Variants in GALNT2 observed in about 807,000 individuals in gnomAD.
GALNT2 encodes the protein UDP-GalNAc:polypeptide N-acetylgalactosaminyltransferase 2.
A neutral mutation model predicts 81.4 loss-of-function variants in GALNT2; 31 were observed. The ratio of observed to expected loss-of-function variants is 0.38; its 90% CI spans 0.29 to 0.51. GALNT2 has a LOEUF of 0.51. Ranked by LOEUF, GALNT2 falls within the 20% of genes least tolerant of loss-of-function variation. The pLI is 0.87. For missense variants in GALNT2, 629 were observed against 765.7 expected (o/e 0.82, Z 2.11); for synonymous variants, 303 against 287.4 (o/e 1.05, Z -0.55).
chr1:230,162,208 A>G (rs969606516), intron 1 of GALNT2, among the ~76,000 whole-genome samples: 6 of 152,108 alleles, frequency 3.9e-5, no homozygotes, highest in African/African-American at 1.4e-4. Flanking sequence ...CCTTCCTTTA[A>G]GTCTCCCAGC....
intron 13 of GALNT2, chr1:230,264,256 A>C (rs1216502238): frequency 6.6e-6 from 1 of 152,142 alleles, no homozygotes; most frequent in African/African-American, 2.4e-5. Flanking sequence ...TGATGTCTAC[A>C]CCTCCTGCCT....
At chr1:230,151,563 C>G (rs780204671) in intron 1 of GALNT2, among the ~76,000 whole-genome samples, 1 of 152,226 alleles carries the variant, frequency 6.6e-6, no homozygotes, top group Non-Finnish European at 1.5e-5. Context: ...TTCTGATTCT[C>G]TCTACAGCAG....
At chr1:230,148,784 G>A (rs117450816) in intron 1 of GALNT2, among the ~76,000 whole-genome samples, 5,550 of 151,456 alleles carry the variant, frequency 0.037, 188 homozygotes, top group East Asian at 0.17. Context: ...ACAGGGTTTC[G>A]CTCTATTGCC....
chr1:230,232,939 C>A (rs1664911692), intron 3 of GALNT2, among the ~76,000 whole-genome samples: 1 of 152,142 alleles, frequency 6.6e-6, no homozygotes, highest in South Asian at 2.1e-4. Context: ...TATGCAATTT[C>A]TCATGATTAA....
intron 2 of GALNT2, among the ~76,000 whole-genome samples, chr1:230,187,001 C>T (rs584751): frequency 0.51 from 77,711 of 152,110 alleles, 23,187 homozygotes; most frequent in African/African-American, 0.83. Flanking sequence ...TGCAAGAAAC[C>T]GCTGGCCATG....
In GALNT2 at chr1:230,067,292, C is replaced by G; in HGVS notation, c.12C>G (p.Arg4=). 1 of 1,360,222 alleles carries G rather than the reference C, an allele frequency of 7.4e-7. No individual in the cohort carries two copies. The highest frequency in any genetic ancestry group is 9.6e-7 in the Non-Finnish European group (1 of 1,043,064). The allele number at this position is 1,360,222 out of a possible 1,614,324, so 84.3% of individuals were successfully genotyped here. The change falls in exon 1 of 16, where the codon CGC becomes CGG. Residue 4 remains arginine, a synonymous_variant. Coordinates refer to ENST00000366672, the MANE Select transcript of GALNT2 (RefSeq NM_004481.5). MRR[R]SRMLLCFAFL... is the part of the protein sequence containing the mutation. ...GCCGAGTTGGGAGAATGCGGCGGCGCTCGCGGATGCTGCTCTGCTTCGCCT... is the reference window on the plus strand; with the variant it reads ...GCCGAGTTGGGAGAATGCGGCGGCGGTCGCGGATGCTGCTCTGCTTCGCCT...
At chr1:230,154,177 C>T (rs1243032820) in intron 1 of GALNT2, among the ~76,000 whole-genome samples, 1 of 152,196 alleles carries the variant, frequency 6.6e-6, no homozygotes, top group Non-Finnish European at 1.5e-5. Flanking sequence ...TTCAATATTT[C>T]ACCATTCAGT....
At chr1:230,127,724 G>A (rs1057365035) in intron 1 of GALNT2, among the ~76,000 whole-genome samples, 21 of 141,284 alleles carry the variant, frequency 1.5e-4, no homozygotes, top group African/African-American at 8.1e-5. Flanking sequence ...AGCCCCTCGC[G>A]GTGGTGGTTG....
intron 1 of GALNT2, among the ~76,000 whole-genome samples, chr1:230,072,096 G>A (rs1659394011): frequency 6.6e-6 from 1 of 152,056 alleles, no homozygotes; most frequent in East Asian, 1.9e-4. Flanking sequence ...GCTCCTGTTT[G>A]GATGAATGAT....
rs145188970 is a variant in GALNT2 at position 230,174,930 on chromosome 1, G to A, written c.127-3288G>A. 3.9e-3 allele frequency among the ~76,000 whole-genome samples: 596 copies of A among 152,234 alleles called. 4 individuals carry two copies. Among genetic ancestry groups the A allele is most frequent in the African/African-American group, 0.012 (482 of 41,536 alleles). On this transcript the variant is annotated intron_variant, in intron 1 of 15. Coordinates refer to ENST00000366672, the MANE Select transcript of GALNT2 (RefSeq NM_004481.5). ...AGGTCTCCACCGAGGTACCACTTCC[G>A]TGTACAGCCTTCCTGGGGGCCCTGT...
chr1:230,123,950 C>T (rs1202865365), intron 1 of GALNT2, among the ~76,000 whole-genome samples: 4 of 152,182 alleles, frequency 2.6e-5, no homozygotes, highest in African/African-American at 9.7e-5. Flanking sequence ...GTTTTGGTTT[C>T]TTAGTCATTC....
Position 230,274,487 on chromosome 1 carries a change from T to A in GALNT2, c.1483T>A (p.Leu495Met). The A allele has an allele frequency of 6.2e-7, 1 of 1,613,898 alleles. No individual in the cohort carries two copies. The highest frequency in any genetic ancestry group is 8.5e-7 in the Non-Finnish European group (1 of 1,179,862). The change falls in exon 15 of 16, where the codon TTG (leucine) becomes ATG (methionine). Residue 495 changes from leucine (L) to methionine (M), a missense_variant. Physicochemically the swap from Leu to Met is conservative, Grantham distance 15. Around this residue, in one of 3 missense-constraint regions of GALNT2, gnomAD observed 207 missense variants for 225.5 expected, o/e 0.92. Transcript: ENST00000366672. ...TKEKSVKHMD[L>M]CLTVVDRAPG... ...GGAGAAGTCGGTGAAGCACATGGAT[T>A]TGTGCCTTACTGTGGTGGACCGGGC... is the stretch of plus-strand genomic sequence containing the variant.
chr1:230,216,762 C>T (rs1664401391), intron 3 of GALNT2, among the ~76,000 whole-genome samples: 1 of 151,958 alleles, frequency 6.6e-6, no homozygotes, highest in Non-Finnish European at 1.5e-5. Context: ...AATGGTAGAA[C>T]CTATGAGGGC....
chr1:230,200,376 T>C (rs557038993), intron 2 of GALNT2, among the ~76,000 whole-genome samples: 1 of 152,316 alleles, frequency 6.6e-6, no homozygotes, highest in South Asian at 2.1e-4. Flanking sequence ...TACAGTCATT[T>C]GATTCTTGTC....
intron 1 of GALNT2, among the ~76,000 whole-genome samples, chr1:230,082,361 G>C (rs190338457): frequency 1.3e-5 from 2 of 152,368 alleles, no homozygotes; most frequent in Non-Finnish European, 2.9e-5. Context: ...TGGATTAATG[G>C]ACATGATTGA....
At chr1:230,157,561 A>G (rs1469434306) in intron 1 of GALNT2, among the ~76,000 whole-genome samples, 1 of 152,232 alleles carries the variant, frequency 6.6e-6, no homozygotes, top group East Asian at 1.9e-4. Flanking sequence ...CCAAAACTGG[A>G]AACTACGTAA....
intron 3 of GALNT2, among the ~76,000 whole-genome samples, chr1:230,230,494 G>A (rs945995156): frequency 2.6e-5 from 4 of 152,082 alleles, no homozygotes; most frequent in African/African-American, 9.7e-5. Flanking sequence ...CCAGCATTTC[G>A]GAGCCCCATT....
intron 1 of GALNT2, among the ~76,000 whole-genome samples, chr1:230,158,238 T>TA (rs1662322585): frequency 6.6e-6 from 1 of 151,614 alleles, no homozygotes; most frequent in Admixed American, 6.6e-5. Context: ...GAGGGATGAG[T>TA]AGCGTGGGGA....
rs1418944062 is a variant in GALNT2 at position 230,198,744 on chromosome 1, A to T, written c.221-4393A>T. 3.3e-5 allele frequency among the ~76,000 whole-genome samples: 5 copies of T among 152,216 alleles called. No homozygotes were observed. The East Asian group carries it at 9.6e-4, about 29-fold the overall frequency. Reference sequence around the variant, plus strand: ...CATTTTTACTGAATCAGGGGTTTCAAGGCTGGTAAGGTCAAACAATTCCTT... The same window carrying T: ...CATTTTTACTGAATCAGGGGTTTCATGGCTGGTAAGGTCAAACAATTCCTT... On this transcript the variant is annotated intron_variant, in intron 2 of 15. Coordinates refer to ENST00000366672, the MANE Select transcript of GALNT2 (RefSeq NM_004481.5).
Sources: gnomAD v4.1 joint callset for allele counts (sites outside exome capture counted in the v4.1 genomes callset) on GRCh38, gnomAD v4.1.1 for gene constraint, gnomAD v4.1.1 regional missense constraint, MANE v1.5 for transcripts, NCBI Gene and HGNC (gene_info 2026-07-23, HGNC 2026-07-21) for gene names.